The following CD200 variants were observed in gnomAD, a reference collection of about 807,000 sequenced individuals.
CD200 encodes CD200 molecule.
CD200 carries 15 observed loss-of-function variants against 30.9 expected under a neutral mutation model. That is an observed-to-expected ratio of 0.49 (90% CI 0.32 to 0.75). The LOEUF (loss-of-function observed/expected upper bound fraction) is 0.75, where lower values mean the gene tolerates loss of function less well. Ranked by LOEUF, CD200 falls within the 30% of genes least tolerant of loss-of-function variation. The pLI is 0.03. For missense variants in CD200, 262 were observed against 324.2 expected, an observed-to-expected ratio of 0.81 and a Z score of 1.47; for synonymous variants, 134 against 126.2, an observed-to-expected ratio of 1.06 and a Z score of -0.41.
At chr3:112,344,224 C>T (rs774899144) in intron 2 of CD200, among the ~76,000 whole-genome samples, 1 of 152,086 alleles carries the variant, frequency 6.6e-6, no homozygotes, top group African/African-American at 2.4e-5. Flanking sequence ...TATTATTTCT[C>T]TTTCATTGTA....
At chr3:112,333,816 A>C (rs917230028) in intron 1 of CD200, 9 of 985,172 alleles carry the variant, frequency 9.1e-6, no homozygotes, top group Non-Finnish European at 1.1e-5. Context: ...AGAGAGCTGA[A>C]ATGCTCTGTG....
intron 5 of CD200, among the ~76,000 whole-genome samples, chr3:112,359,468 G>A (rs1413533279): frequency 6.6e-6 from 1 of 152,172 alleles, no homozygotes; most frequent in African/African-American, 2.4e-5. Flanking sequence ...AAGTGGGGAT[G>A]AAAGGAGGGC....
At chr3:112,360,326 T>TAAAAATTAAA (rs1553721422) in intron 5 of CD200, among the ~76,000 whole-genome samples, 1 of 119,162 alleles carries the variant, frequency 8.4e-6, no homozygotes, top group Non-Finnish European at 1.7e-5. Flanking sequence ...AGACTTCATC[T>TAAAAATTAAA]AAAAAAAATA....
At chr3:112,332,952 T>G, upstream of CD200, 2 of 544,320 alleles carry the variant, frequency 3.7e-6, no homozygotes, top group Non-Finnish European at 6.4e-6. Context: ...ACTTTGTCAG[T>G]TTCCCCAGCG....
chr3:112,354,809 G>A lies in CD200; in HGVS notation c.802+4990G>A, dbSNP rs181660018. 2.0e-5 allele frequency among the ~76,000 whole-genome samples: 3 copies of A among 152,288 alleles called. No individual in the cohort carries two copies. In the East Asian group the frequency reaches 5.8e-4, roughly 29 times the overall value. ...GAGACATTCCTTTCTGGAGGCTCTA[G>A]GGGAGAATCCTTTTTTTCCCTCTCT... On this transcript the variant is annotated intron_variant, in intron 5 of 5. Transcript: ENST00000315711.
intron 1 of CD200, among the ~76,000 whole-genome samples, chr3:112,334,520 A>G (rs904408337): frequency 1.1e-4 from 16 of 152,332 alleles, no homozygotes; most frequent in African/African-American, 3.8e-4. Context: ...ACATTTATTT[A>G]GTGCTTATTT....
At chr3:112,345,358 T>C in intron 3 of CD200, 70 bp downstream of exon 3, 1 of 1,252,412 alleles carries the variant, frequency 8.0e-7, no homozygotes. Flanking sequence ...AATATAGCCG[T>C]AGTGCCCAGT....
intron 3 of CD200, among the ~76,000 whole-genome samples, chr3:112,345,653 G>A (rs529327173): frequency 3.7e-4 from 56 of 152,288 alleles, no homozygotes; most frequent in Middle Eastern, 3.4e-3. Flanking sequence ...TTCATTGTCT[G>A]GACAATAAGT....
chr3:112,340,567 C>T (rs2081215863), intron 1 of CD200, among the ~76,000 whole-genome samples: 1 of 152,132 alleles, frequency 6.6e-6, no homozygotes, highest in Non-Finnish European at 1.5e-5. Context: ...GTATTCTCAG[C>T]ATTTTCTGTA....
At chr3:112,351,457 T>A in intron 5 of CD200, among the ~76,000 whole-genome samples, 1 of 152,208 alleles carries the variant, frequency 6.6e-6, no homozygotes, top group East Asian at 1.9e-4. Context: ...GCAAAATAAT[T>A]ACCCTTGTTC....
At position 112,361,527 on chromosome 3, in the gene CD200, T is replaced by C. The variant is rs1212523347; in HGVS notation, c.803-16T>C. The C allele has an allele frequency of 6.3e-7, 1 of 1,598,780 alleles. No individual in the cohort carries two copies. Among genetic ancestry groups the C allele is most frequent in the East Asian group, 2.2e-5 (1 of 44,826 alleles). ...ACAAGTGTCCAAAGTTAATACCTTGTTTTTCTTTTATCCAGAGCCCTAAAT... is the reference window on the plus strand; with the variant it reads ...ACAAGTGTCCAAAGTTAATACCTTGCTTTTCTTTTATCCAGAGCCCTAAAT... On this transcript the variant is annotated splice_polypyrimidine_tract_variant and intron_variant, in intron 5 of 5. Coordinates refer to ENST00000315711, the MANE Select transcript of CD200 (RefSeq NM_005944.7).
intron 5 of CD200, among the ~76,000 whole-genome samples, chr3:112,353,908 GC>G (rs2081582120): frequency 6.6e-6 from 1 of 152,144 alleles, no homozygotes; most frequent in Admixed American, 6.5e-5. Flanking sequence ...GAAATGTGAT[GC>G]TTTACATGAG....
chr3:112,345,685 G>T (rs1029481243), intron 3 of CD200, among the ~76,000 whole-genome samples: 21 of 152,214 alleles, frequency 1.4e-4, no homozygotes, highest in African/African-American at 5.1e-4. Context: ...CATTTCTAGG[G>T]TCACTTACAA....
intron 2 of CD200, among the ~76,000 whole-genome samples, chr3:112,343,426 C>A (rs1387062530): frequency 1.3e-5 from 2 of 152,002 alleles, no homozygotes; most frequent in Non-Finnish European, 2.9e-5. Flanking sequence ...GTCCTATGCT[C>A]CTGAGTAGCC....
In CD200 at chr3:112,353,744, C is replaced by T. The variant is rs952612105; in HGVS notation, c.802+3925C>T. On this transcript the variant is annotated intron_variant, in intron 5 of 5. Coordinates refer to ENST00000315711, the MANE Select transcript of CD200 (RefSeq NM_005944.7). ...TTGCTCAGAAAGCACTTTTGCTTCC[C>T]GTACAAAGGCTGTATGAATGGGTAG... Among the ~76,000 whole-genome samples, 37 of 152,198 alleles carry T rather than the reference C, an allele frequency of 2.4e-4. 1 individual carries two copies. Among genetic ancestry groups the T allele is most frequent in the African/African-American group, 8.2e-4 (34 of 41,520 alleles).
At chr3:112,336,105 T>C (rs1471176323) in intron 1 of CD200, 5 of 871,496 alleles carry the variant, frequency 5.7e-6, no homozygotes, top group Non-Finnish European at 9.7e-6. Flanking sequence ...AAGATTAATG[T>C]TTGTGAAACA....
chr3:112,334,237 CA>C lies in CD200; in HGVS notation c.12+1014del, dbSNP rs145871268. On this transcript the variant is annotated intron_variant, in intron 1 of 5. Transcript: ENST00000315711. ...ACATGTGGGGTAATGTGGATTTGGACATAGAAACTTGCTGAGGAAGAGGCAT... is the reference window on the plus strand; with the variant it reads ...ACATGTGGGGTAATGTGGATTTGGACTAGAAACTTGCTGAGGAAGAGGCAT... 3.4e-3 allele frequency: 3,339 copies of C among 985,340 alleles called. 89 individuals carry two copies. In the African/African-American group the frequency reaches 0.053, roughly 16 times the overall value. The allele number at this position is 985,340 out of a possible 1,614,324, so 61.0% of individuals were successfully genotyped here. A position where few individuals can be genotyped will look rare whatever the true frequency, so the allele number is the denominator to read the frequency against.
chr3:112,340,818 C>T, intron 1 of CD200, 84 bp from the exon 2 acceptor site: 2 of 907,268 alleles, frequency 2.2e-6, no homozygotes, highest in Non-Finnish European at 3.6e-6. Flanking sequence ...CTACAACATT[C>T]CCTGAAATAG....
intron 3 of CD200, among the ~76,000 whole-genome samples, chr3:112,346,210 TTCTC>T (rs2081388023): frequency 1.3e-5 from 2 of 152,096 alleles, no homozygotes; most frequent in African/African-American, 4.8e-5. Context: ...ACTTCTTTCA[TTCTC>T]TCTTTTTCTG....
Sources: allele counts gnomAD v4.1 joint callset (sites outside exome capture counted in the v4.1 genomes callset), GRCh38; gene constraint gnomAD v4.1.1; transcripts MANE v1.5; gene names NCBI Gene and HGNC (gene_info 2026-07-23, HGNC 2026-07-21).